Variants in SDK1 observed in about 807,000 individuals in gnomAD.
SDK1 encodes sidekick cell adhesion molecule 1, also known as protein sidekick-1.
In SDK1, 157 loss-of-function variants were observed where a neutral mutation model predicts 245.5. The observed-to-expected ratio is 0.64, with a 90% confidence interval of 0.56 to 0.73. SDK1 has a LOEUF of 0.73. SDK1 is among the 30% of genes least tolerant of loss of function. The pLI is 0.00. For synonymous variants in SDK1, 1,647 were observed against 1,278.5 expected, an observed-to-expected ratio of 1.29 and a Z score of -6.15; for missense variants, 3,583 against 3,002.3, an observed-to-expected ratio of 1.19 and a Z score of -4.52.
intron 1 of SDK1, among the ~76,000 whole-genome samples, chr7:3,551,344 G>A (rs1414389429): frequency 6.6e-6 from 1 of 152,086 alleles, no homozygotes; most frequent in African/African-American, 2.4e-5. Context: ...AATTTTTAAT[G>A]TTCATATGTT....
intron 35 of SDK1, among the ~76,000 whole-genome samples, chr7:4,196,830 T>C (rs1407890504): frequency 2.6e-5 from 4 of 152,074 alleles, no homozygotes; most frequent in African/African-American, 7.2e-5. Context: ...TGGAGAAGCA[T>C]TCGGAGAGGA....
intron 14 of SDK1, among the ~76,000 whole-genome samples, chr7:4,005,039 CTTTTTTTT>C (rs1162979240): frequency 1.1e-5 from 1 of 90,994 alleles, no homozygotes; most frequent in Admixed American, 1.3e-4. Flanking sequence ...GTTCCTGCAC[CTTTTTTTT>C]TTTTTTTTTT....
At chr7:3,519,676 A>G (rs1782869978) in intron 1 of SDK1, among the ~76,000 whole-genome samples, 1 of 152,170 alleles carries the variant, frequency 6.6e-6, no homozygotes, top group East Asian at 1.9e-4. Context: ...TGTTACATCC[A>G]GAGATACGCA....
At chr7:4,248,934 T>A (rs1007146544) in intron 44 of SDK1, among the ~76,000 whole-genome samples, 2 of 147,434 alleles carry the variant, frequency 1.4e-5, no homozygotes, top group African/African-American at 5.4e-5. Flanking sequence ...CATATGTACA[T>A]ACATGCACAA....
At chr7:3,514,881 C>T (rs890064968) in intron 1 of SDK1, among the ~76,000 whole-genome samples, 2 of 152,162 alleles carry the variant, frequency 1.3e-5, no homozygotes, top group African/African-American at 2.4e-5. Context: ...TGCATGCGTG[C>T]GCTCTCTCTC....
intron 35 of SDK1, among the ~76,000 whole-genome samples, chr7:4,189,195 C>G (rs1490331179): frequency 3.9e-5 from 6 of 152,148 alleles, no homozygotes; most frequent in Non-Finnish European, 8.8e-5. Flanking sequence ...CACGGTGCTG[C>G]TGGGCTGGCA....
At chr7:3,868,735 C>T (rs139822214) in intron 5 of SDK1, among the ~76,000 whole-genome samples, 1 of 152,108 alleles carries the variant, frequency 6.6e-6, no homozygotes, top group African/African-American at 2.4e-5. Context: ...CTTCATAAAC[C>T]AAGGGCACTT....
At chr7:3,964,123 G>A (rs1562582773) in intron 9 of SDK1, among the ~76,000 whole-genome samples, 1 of 152,242 alleles carries the variant, frequency 6.6e-6, no homozygotes, top group African/African-American at 2.4e-5. Flanking sequence ...TTTGCTCCAT[G>A]TACTACACAC....
intron 1 of SDK1, among the ~76,000 whole-genome samples, chr7:3,570,715 A>G (rs1241925860): frequency 1.3e-5 from 2 of 152,212 alleles, no homozygotes; most frequent in African/African-American, 4.8e-5. Flanking sequence ...GTCTCACGTA[A>G]CGAGGCCTGT....
intron 5 of SDK1, among the ~76,000 whole-genome samples, chr7:3,909,621 G>A (rs926113458): frequency 6.6e-6 from 1 of 152,234 alleles, no homozygotes; most frequent in South Asian, 2.1e-4. Context: ...ATGTGTGTCC[G>A]TGGAGCTGGC....
Position 4,208,079 on chromosome 7 carries a change from C to T in SDK1, c.5215-20C>T, listed in dbSNP as rs912479709. On this transcript the variant is annotated intron_variant, in intron 36 of 44. Transcript: ENST00000404826. The stretch of plus-strand genomic sequence containing the variant: ...AAGGCTTCCCCAGGACCCACCCCAA[C>T]CTCTTGCTGTTCCTAACAGATTTAC... 1 of 1,596,274 alleles carries T rather than the reference C, an allele frequency of 6.3e-7. No individual in the cohort carries two copies. Among genetic ancestry groups the T allele is most frequent in the African/African-American group, 1.3e-5 (1 of 74,244 alleles).
chr7:3,504,119 C>T (rs1782308578), intron 1 of SDK1, among the ~76,000 whole-genome samples: 2 of 151,010 alleles, frequency 1.3e-5, no homozygotes, highest in South Asian at 4.2e-4. Context: ...CATTGCACTC[C>T]AGCCTGGGCA....
chr7:4,016,354 C>G (rs1236996500), intron 16 of SDK1, among the ~76,000 whole-genome samples: 1 of 152,244 alleles, frequency 6.6e-6, no homozygotes, highest in Non-Finnish European at 1.5e-5. Context: ...ATGCCCCTGG[C>G]TTTACCCAGA....
At chr7:3,482,982 G>C (rs73038549) in intron 1 of SDK1, among the ~76,000 whole-genome samples, 2,194 of 151,516 alleles carry the variant, frequency 0.014, 37 homozygotes, top group South Asian at 0.023. Context: ...CCTATTAATT[G>C]ATTTCTCTTG....
chr7:3,876,856 T>C (rs1781089419), intron 5 of SDK1, among the ~76,000 whole-genome samples: 1 of 152,236 alleles, frequency 6.6e-6, no homozygotes, highest in African/African-American at 2.4e-5. Flanking sequence ...TCTATCAGAC[T>C]TCACACAGGG....
At chr7:3,334,716 A>G (rs1477963167) in intron 1 of SDK1, among the ~76,000 whole-genome samples, 2 of 152,126 alleles carry the variant, frequency 1.3e-5, no homozygotes, top group Non-Finnish European at 2.9e-5. Context: ...CCTCAGGTTC[A>G]GTCCTTATTC....
intron 1 of SDK1, among the ~76,000 whole-genome samples, chr7:3,402,342 T>C (rs1010813348): frequency 1.3e-5 from 2 of 152,196 alleles, no homozygotes; most frequent in African/African-American, 4.8e-5. Context: ...GTAGTTTTTA[T>C]TGTGTCTGCC....
At chr7:4,140,111 C>G (rs1584268156) in intron 28 of SDK1, among the ~76,000 whole-genome samples, 1 of 152,156 alleles carries the variant, frequency 6.6e-6, no homozygotes, top group Admixed American at 6.5e-5. Flanking sequence ...GGTTCCCTTC[C>G]TCGTGCTCTG....
intron 4 of SDK1, among the ~76,000 whole-genome samples, chr7:3,735,037 C>A (rs1394308223): frequency 6.6e-6 from 1 of 152,092 alleles, no homozygotes; most frequent in Non-Finnish European, 1.5e-5. Flanking sequence ...AACGCTCCCT[C>A]AAGCTAGTGG....
Sources: gnomAD v4.1 joint callset for allele counts (sites outside exome capture counted in the v4.1 genomes callset) on GRCh38, gnomAD v4.1.1 for gene constraint, MANE v1.5 for transcripts, NCBI Gene and HGNC (gene_info 2026-07-23, HGNC 2026-07-21) for gene names.